PPM1E: variants seen among roughly 807,000 people sequenced by gnomAD.
The protein encoded by PPM1E is protein phosphatase 1E.
A neutral mutation model predicts 65.9 loss-of-function variants in PPM1E; 20 were observed. That is an observed-to-expected ratio of 0.30 (90% confidence interval 0.21 to 0.44). The LOEUF is 0.44. Ranked by LOEUF, PPM1E falls within the 20% of genes least tolerant of loss-of-function variation. The pLI, the probability that PPM1E is intolerant of heterozygous loss-of-function variation, is 1.00. For missense variants in PPM1E, 713 were observed against 953.1 expected (o/e 0.75, Z 3.32); for synonymous variants, 352 against 374.9 (o/e 0.94, Z 0.70).
chr17:58,950,650 T>G (rs1167672563), intron 1 of PPM1E, among the ~76,000 whole-genome samples: 2 of 152,080 alleles, frequency 1.3e-5, no homozygotes, highest in Admixed American at 6.6e-5. Flanking sequence ...GCCTGAGTTT[T>G]TTCAAAAGAC....
intron 1 of PPM1E, among the ~76,000 whole-genome samples, chr17:58,896,278 G>A (rs562128093): frequency 6.6e-6 from 1 of 152,152 alleles, no homozygotes; most frequent in African/African-American, 2.4e-5. Flanking sequence ...CAAAGTATGA[G>A]AGAGGTCAGA....
intron 1 of PPM1E, among the ~76,000 whole-genome samples, chr17:58,794,767 T>C (rs2050189881): frequency 1.3e-5 from 2 of 152,184 alleles, no homozygotes; most frequent in African/African-American, 2.4e-5. Context: ...GGCTGCATAG[T>C]ATTCCATAGT....
intron 1 of PPM1E, among the ~76,000 whole-genome samples, chr17:58,912,917 G>A (rs1002848314): frequency 2.0e-5 from 3 of 152,188 alleles, no homozygotes; most frequent in Admixed American, 6.5e-5. Flanking sequence ...AGAGCTTCTT[G>A]TGCTGAGGAG....
intron 1 of PPM1E, among the ~76,000 whole-genome samples, chr17:58,929,540 C>T (rs2051866191): frequency 6.6e-6 from 1 of 152,076 alleles, no homozygotes; most frequent in Admixed American, 6.6e-5. Context: ...CTTTAATATG[C>T]ATGAGAAATA....
At chr17:58,892,151 C>T (rs754139894) in intron 1 of PPM1E, among the ~76,000 whole-genome samples, 89 of 152,092 alleles carry the variant, frequency 5.9e-4, no homozygotes, top group Non-Finnish European at 9.3e-4. Flanking sequence ...TTACATCTTT[C>T]TATAAAACAA....
rs2030942362 is a variant in PPM1E, at chr17:58,975,487, A to T, written c.1210+2562A>T. Among the ~76,000 whole-genome samples, 5 of 152,224 alleles carry T rather than the reference A, an allele frequency of 3.3e-5. No homozygotes were observed. In the South Asian group the frequency reaches 1.0e-3, roughly 32 times the overall value. On this transcript the variant is annotated intron_variant, in intron 6 of 6. Coordinates refer to ENST00000308249, the MANE Select transcript of PPM1E (RefSeq NM_014906.5). ...CCTCATCTCTATTTTAATAATAAAAAATAAACAATCTAAGAGTGGATAAGG... is the reference window on the plus strand; with the variant it reads ...CCTCATCTCTATTTTAATAATAAAATATAAACAATCTAAGAGTGGATAAGG...
intron 1 of PPM1E, among the ~76,000 whole-genome samples, chr17:58,928,252 C>A (rs975780979): frequency 3.3e-5 from 5 of 151,928 alleles, no homozygotes; most frequent in African/African-American, 9.7e-5. Context: ...AAAGAAGATT[C>A]GCTTTATCTG....
chr17:58,971,447 G>A (rs2030615840), intron 4 of PPM1E, among the ~76,000 whole-genome samples: 1 of 152,144 alleles, frequency 6.6e-6, no homozygotes, highest in South Asian at 2.1e-4. Flanking sequence ...CGTATAGTAG[G>A]ACCAAGAGCT....
chr17:58,903,130 C>G (rs1442551036), intron 1 of PPM1E, among the ~76,000 whole-genome samples: 3 of 152,204 alleles, frequency 2.0e-5, no homozygotes, highest in African/African-American at 7.2e-5. Context: ...TTATCACCAT[C>G]ATGGACTGAT....
chr17:58,981,252 G>T lies in PPM1E; in HGVS notation c.*221G>T. The T allele has an allele frequency of 2.0e-6, 1 of 499,190 alleles. No homozygotes were observed. The highest frequency in any genetic ancestry group is 2.9e-5 in the South Asian group (1 of 34,812). The allele number at this position is 499,190 out of a possible 1,614,324, so 30.9% of individuals were successfully genotyped here. On this transcript the variant is annotated 3_prime_UTR_variant, in exon 7 of 7. Transcript: ENST00000308249. ...TTGCAAAATTACACAGCTGGTCCCTGTGATGTGTCTCGACACCAATACACA... is the reference window on the plus strand; with the variant it reads ...TTGCAAAATTACACAGCTGGTCCCTTTGATGTGTCTCGACACCAATACACA...
At chr17:58,941,575 C>A (rs1026865476) in intron 1 of PPM1E, among the ~76,000 whole-genome samples, 2 of 151,062 alleles carry the variant, frequency 1.3e-5, no homozygotes, top group Admixed American at 6.6e-5. Flanking sequence ...CACCTGTAGT[C>A]CCAGCTACTC....
At chr17:58,967,785 T>C (rs953708571) in intron 3 of PPM1E, among the ~76,000 whole-genome samples, 9 of 151,752 alleles carry the variant, frequency 5.9e-5, no homozygotes, top group African/African-American at 2.2e-4. Flanking sequence ...AAATTCTACC[T>C]GTCAGCATTC....
At chr17:58,768,959 G>C (rs2049909125) in intron 1 of PPM1E, among the ~76,000 whole-genome samples, 1 of 152,138 alleles carries the variant, frequency 6.6e-6, no homozygotes, top group African/African-American at 2.4e-5. Flanking sequence ...GTGAGCCAAT[G>C]CGCCTGGCCT....
chr17:58,843,167 TC>T (rs2050736912), intron 1 of PPM1E, among the ~76,000 whole-genome samples: 1 of 150,608 alleles, frequency 6.6e-6, no homozygotes. Context: ...GCGCCTGTAG[TC>T]CCAGGCTGGA....
intron 6 of PPM1E, 38 bp from the exon 7 acceptor site, chr17:58,979,936 C>CA: frequency 2.0e-6 from 3 of 1,525,120 alleles, no homozygotes; most frequent in Non-Finnish European, 1.8e-6. Context: ...CAAGGTAAAA[C>CA]AAATGCTAAT....
At chr17:58,966,255 C>T (rs1367948985) in intron 3 of PPM1E, 2 of 370,266 alleles carry the variant, frequency 5.4e-6, no homozygotes, top group Admixed American at 4.2e-5. Flanking sequence ...TAGCTCACGC[C>T]TGTAATCCTA....
intron 1 of PPM1E, among the ~76,000 whole-genome samples, chr17:58,763,248 T>A (rs1210816433): frequency 6.6e-6 from 1 of 152,062 alleles, no homozygotes; most frequent in Non-Finnish European, 1.5e-5. Context: ...TGATGGAGAC[T>A]CTGTCCTTTT....
intron 1 of PPM1E, among the ~76,000 whole-genome samples, chr17:58,804,632 C>T (rs1253211933): frequency 2.0e-5 from 3 of 152,012 alleles, no homozygotes; most frequent in Non-Finnish European, 4.4e-5. Context: ...TTTATAGTTT[C>T]TGAATCATTT....
intron 1 of PPM1E, among the ~76,000 whole-genome samples, chr17:58,770,395 A>C (rs1008689356): frequency 6.6e-6 from 1 of 152,106 alleles, no homozygotes; most frequent in South Asian, 2.1e-4. Context: ...GCATGCTGGC[A>C]TACTCCTTTA....
Sources: allele counts gnomAD v4.1 joint callset (sites outside exome capture counted in the v4.1 genomes callset), GRCh38; gene constraint gnomAD v4.1.1; transcripts MANE v1.5; gene names NCBI Gene and HGNC (gene_info 2026-07-23, HGNC 2026-07-21).